ZFYVE26: variants seen among roughly 807,000 people sequenced by gnomAD.
ZFYVE26 encodes zinc finger FYVE-type containing 26.
ZFYVE26 carries 181 observed loss-of-function variants against 276.5 expected under a neutral mutation model. The observed-to-expected ratio is 0.65, with a 90% CI of 0.58 to 0.74. The LOEUF is 0.74. ZFYVE26 is among the 30% of genes least tolerant of loss of function. The probability of loss-of-function intolerance (pLI) is 0.00; values close to 1 mark genes in which losing one functional copy is unlikely to be tolerated. For missense variants in ZFYVE26, 2,821 were observed against 3,097.9 expected, an observed-to-expected ratio of 0.91 and a Z score of 2.12; for synonymous variants, 1,129 against 1,203.1, an observed-to-expected ratio of 0.94 and a Z score of 1.27.
In ZFYVE26 at chr14:67,751,049, C is replaced by T. The variant is rs1211501604; in HGVS notation, c.7416+3G>A. On this transcript the variant is annotated splice_donor_region_variant and intron_variant, in intron 41 of 41. Coordinates refer to ENST00000347230, the MANE Select transcript of ZFYVE26 (RefSeq NM_015346.4). ...ACCAGCGTTTGGAGACAATTCCGCT[C>T]ACCTTGTTGTCATCATTGTGTATTG... 6.2e-7 allele frequency: 1 copy of T among 1,614,204 alleles called. No homozygotes were observed. Among genetic ancestry groups the T allele is most frequent in the South Asian group, 1.1e-5 (1 of 91,086 alleles).
At chr14:67,787,416 G>C (rs1449494486) in intron 16 of ZFYVE26, among the ~76,000 whole-genome samples, 2 of 152,078 alleles carry the variant, frequency 1.3e-5, no homozygotes, top group African/African-American at 4.8e-5. Flanking sequence ...TAACATGGGG[G>C]CTACAGTGAA....
chr14:67,773,882 A>C (rs1301401869), intron 27 of ZFYVE26, among the ~76,000 whole-genome samples: 1 of 152,120 alleles, frequency 6.6e-6, no homozygotes, highest in Non-Finnish European at 1.5e-5. Context: ...GCAAAACAAA[A>C]CACTTGGCTG....
intron 13 of ZFYVE26, among the ~76,000 whole-genome samples, chr14:67,736,617 T>A (rs1220903241): frequency 6.6e-6 from 1 of 152,090 alleles, no homozygotes; most frequent in Non-Finnish European, 1.5e-5. Flanking sequence ...GCAAAAAGCA[T>A]ATGGGAAAAG....
At chr14:67,730,165 T>C (rs2038251024) in intron 13 of ZFYVE26, among the ~76,000 whole-genome samples, 1 of 152,226 alleles carries the variant, frequency 6.6e-6, no homozygotes, top group Non-Finnish European at 1.5e-5. Context: ...GCAGGTAATA[T>C]TACCCCAAGT....
In ZFYVE26 at chr14:67,766,367, G is replaced by A. The variant is rs757790246; in HGVS notation, c.5871C>T (p.His1957=). ...TGAGGCCCTTGGAGAGCCTGCAGCAGTGCTCAATCAGCTGGTGACCACAGG... is the reference window on the plus strand; with the variant it reads ...TGAGGCCCTTGGAGAGCCTGCAGCAATGCTCAATCAGCTGGTGACCACAGG... ...SIACGHQLIE[H]CCRLSKGLTN... The change falls in exon 32 of 42, where the codon CAC becomes CAT. Residue 1957 remains histidine, a synonymous_variant. Coordinates refer to ENST00000347230, the MANE Select transcript of ZFYVE26 (RefSeq NM_015346.4). 3.1e-6 allele frequency: 5 copies of A among 1,612,890 alleles called. No homozygotes were observed. In the African/African-American group the frequency reaches 6.7e-5, roughly 22 times the overall value.
chr14:67,780,239 A>G lies in ZFYVE26; in HGVS notation c.4674+2T>C, dbSNP rs2039462341. The G allele has an allele frequency of 6.2e-7, 1 of 1,613,526 alleles. No homozygotes were observed. ...GGGGAACACCACCCAGGAAAACGGT[A>G]CCTGTGCTTCTAGAATCATGTTCAT... is the stretch of plus-strand genomic sequence containing the variant. On this transcript the variant is annotated splice_donor_variant, in intron 23 of 41. Coordinates refer to ENST00000347230, the MANE Select transcript of ZFYVE26 (RefSeq NM_015346.4). LOFTEE classifies it high-confidence loss of function.
chr14:67,763,382 T>G (rs1299796298), intron 32 of ZFYVE26, among the ~76,000 whole-genome samples: 1 of 152,248 alleles, frequency 6.6e-6, no homozygotes, highest in Non-Finnish European at 1.5e-5. Flanking sequence ...TGCCACATAA[T>G]GACATTTCAG....
At chr14:67,770,386 T>G (rs2039176925) in intron 28 of ZFYVE26, 1 of 146,904 alleles carries the variant, frequency 6.8e-6, no homozygotes, top group African/African-American at 2.7e-5. Context: ...ATTGCTTGAA[T>G]CCAGGAAGCA....
Position 67,761,369 on chromosome 14 carries a change from G to T in ZFYVE26, c.6585C>A (p.Asn2195Lys), listed in dbSNP as rs377709932. ...TTGAGCTGTGTCCATGTCCCACCTT[G>T]TTGAGAAGGTGCAGAAGAGCTTCCC... Reference protein sequence around the residue: ...CLREALLHLLNKESPPEVFIE... With the variant: ...CLREALLHLLKKESPPEVFIE... The change falls in exon 35 of 42, where the codon AAC (asparagine) becomes AAA (lysine). Residue 2195 changes from asparagine (N) to lysine (K), a missense_variant. Transcript: ENST00000347230. 9 of 1,611,960 alleles carry T rather than the reference G, an allele frequency of 5.6e-6. No individual in the cohort carries two copies. The African/African-American group carries it at 8.0e-5, about 14-fold the overall frequency.
At position 67,805,202 on chromosome 14, in the gene ZFYVE26, T is replaced by C. The variant is rs1414759560; in HGVS notation, c.1271+15A>G. On this transcript the variant is annotated intron_variant, in intron 8 of 41. Coordinates refer to ENST00000347230, the MANE Select transcript of ZFYVE26 (RefSeq NM_015346.4). Reference sequence around the variant, plus strand: ...TGCCCTGTGGTGGGCAGGCGCTGACTGCACAGGGCCATACCTGCTCTGCTG... The same window carrying C: ...TGCCCTGTGGTGGGCAGGCGCTGACCGCACAGGGCCATACCTGCTCTGCTG... 1 of 1,612,796 alleles carries C rather than the reference T, an allele frequency of 6.2e-7. No homozygotes were observed. The highest frequency in any genetic ancestry group is 8.5e-7 in the Non-Finnish European group (1 of 1,179,394).
chr14:67,740,332 A>G (rs2038401930), intron 13 of ZFYVE26, among the ~76,000 whole-genome samples: 1 of 151,948 alleles, frequency 6.6e-6, no homozygotes, highest in Admixed American at 6.6e-5. Flanking sequence ...AATCAAAGAA[A>G]TGCAAAAAAA....
chr14:67,762,431 C>T lies in ZFYVE26; in HGVS notation c.6160-19G>A, dbSNP rs562344635. The stretch of plus-strand genomic sequence containing the variant: ...TGGAGACCTGGGAGAAAAATTGCCC[C>T]TTTTAGTGAGTGGTAGCTACATTCA... On this transcript the variant is annotated intron_variant, in intron 33 of 41. Transcript: ENST00000347230. 1 of 1,608,714 alleles carries T rather than the reference C, an allele frequency of 6.2e-7. No individual in the cohort carries two copies. The highest frequency in any genetic ancestry group is 1.1e-5 in the South Asian group (1 of 90,390).
Position 67,785,208 on chromosome 14 carries a change from T to C in ZFYVE26, c.3374A>G (p.His1125Arg). The change falls in exon 19 of 42, where the codon CAC becomes CGC. Residue 1125 changes from histidine (H) to arginine (R), a missense_variant. Physicochemically the swap from His to Arg is conservative, Grantham distance 29. Transcript: ENST00000347230. ...GAGCTGAGTCTGGATCTGCACAGGGTGGGCCTCTGCCTCTGGAGCTTTCTG... is the reference window on the plus strand; with the variant it reads ...GAGCTGAGTCTGGATCTGCACAGGGCGGGCCTCTGCCTCTGGAGCTTTCTG... ...AAQKAPEAEA[H>R]PVQIQTQLLQ... 1 of 1,614,006 alleles carries C rather than the reference T, an allele frequency of 6.2e-7. No homozygotes were observed. The highest frequency in any genetic ancestry group is 8.5e-7 in the Non-Finnish European group (1 of 1,179,914).
chr14:67,789,250 G>C, intron 16 of ZFYVE26, 85 bp downstream of exon 16: 2 of 1,587,756 alleles, frequency 1.3e-6, no homozygotes, highest in South Asian at 1.1e-5. Context: ...TCCAATAACT[G>C]CTTTCTTCCT....
chr14:67,748,654 T>C lies in ZFYVE26; in HGVS notation c.7417-15A>G. ...TAGGCCCGAACCTGGCAGTCAGTTA[T>C]AAGAGACAGCGGAAAGGCATCCATC... On this transcript the variant is annotated splice_polypyrimidine_tract_variant and intron_variant, in intron 41 of 41. Coordinates refer to ENST00000347230, the MANE Select transcript of ZFYVE26 (RefSeq NM_015346.4). The C allele has an allele frequency of 6.2e-7, 1 of 1,613,484 alleles. No homozygotes were observed. Among genetic ancestry groups the C allele is most frequent in the Non-Finnish European group, 8.5e-7 (1 of 1,179,970 alleles).
At chr14:67,753,468 C>G (rs184209328) in intron 39 of ZFYVE26, among the ~76,000 whole-genome samples, 1 of 152,316 alleles carries the variant, frequency 6.6e-6, no homozygotes, top group Admixed American at 6.5e-5. Flanking sequence ...TGAGACCTGG[C>G]TCCTGGTATT....
At chr14:67,745,639 A>C (rs2038474314), downstream of ZFYVE26, among the ~76,000 whole-genome samples, 1 of 152,074 alleles carries the variant, frequency 6.6e-6, no homozygotes, top group Admixed American at 6.6e-5. Context: ...TGCTTGCCCC[A>C]AAGACCCTAC....
chr14:67,761,627 G>A (rs757413399), intron 34 of ZFYVE26, 43 bp from the exon 35 acceptor site: 1 of 1,557,406 alleles, frequency 6.4e-7, no homozygotes, highest in Non-Finnish European at 8.8e-7. Context: ...AACTCAAAAA[G>A]TTCTCAGCAG....
At chr14:67,806,758 T>G in intron 5 of ZFYVE26, 83 bp from the exon 6 acceptor site, 1 of 1,556,234 alleles carries the variant, frequency 6.4e-7, no homozygotes, top group South Asian at 1.1e-5. Flanking sequence ...CCAAGTGATG[T>G]GAGAGTTTGC....
Sources: gnomAD v4.1 joint callset for allele counts (sites outside exome capture counted in the v4.1 genomes callset) on GRCh38, gnomAD v4.1.1 for gene constraint, MANE v1.5 for transcripts, NCBI Gene and HGNC (gene_info 2026-07-23, HGNC 2026-07-21) for gene names.